The following CCDC60 variants were observed in gnomAD, a reference collection of about 807,000 sequenced individuals.
CCDC60 encodes coiled-coil domain-containing protein 60.
CCDC60 carries 54 observed loss-of-function variants against 63.5 expected under a neutral mutation model. The observed-to-expected ratio is 0.85, with a 90% CI of 0.68 to 1.07. CCDC60 has a LOEUF of 1.07. Among genes scored for constraint, CCDC60 ranks in the 50% least tolerant of loss-of-function variants. CCDC60 has a pLI of 0.00. For missense variants in CCDC60, 651 were observed against 684.3 expected, an observed-to-expected ratio of 0.95 and a Z score of 0.54; for synonymous variants, 206 against 238.8, an observed-to-expected ratio of 0.86 and a Z score of 1.27.
At chr12:119,513,138 G>A (rs1398672571) in intron 7 of CCDC60, among the ~76,000 whole-genome samples, 1 of 152,182 alleles carries the variant, frequency 6.6e-6, no homozygotes, top group African/African-American at 2.4e-5. Context: ...TATCAAAGCA[G>A]ATTCCACGTT....
chr12:119,420,031 C>A lies in CCDC60; in HGVS notation c.91-8652C>A, dbSNP rs1053240512. Among the ~76,000 whole-genome samples the A allele has an allele frequency of 1.3e-5, 2 of 151,924 alleles. No homozygotes were observed. Among genetic ancestry groups the A allele is most frequent in the African/African-American group, 4.8e-5 (2 of 41,350 alleles). On this transcript the variant is annotated intron_variant, in intron 1 of 13. Coordinates refer to ENST00000327554, the MANE Select transcript of CCDC60 (RefSeq NM_178499.5). This position sits in a 1 kb window ranked among gnomAD's most constrained non-coding sequence, Gnocchi z 4.1. ...AGCTGGGACTACAGGCACCCACCAC[C>A]ACACCTGGGTAATTTTTTGTATTTT... is the stretch of plus-strand genomic sequence containing the variant.
chr12:119,528,043 G>A (rs1952738897), intron 11 of CCDC60, among the ~76,000 whole-genome samples: 1 of 152,066 alleles, frequency 6.6e-6, no homozygotes, highest in South Asian at 2.1e-4. Flanking sequence ...TGAGGATAAA[G>A]CTGGAAAATG....
At chr12:119,524,445 A>G (rs1952624005) in intron 11 of CCDC60, 1 of 985,034 alleles carries the variant, frequency 1.0e-6, no homozygotes, top group Non-Finnish European at 1.2e-6. Context: ...TCTATACAAC[A>G]AAGTTTGCAT....
chr12:119,536,147 T>C (rs900176629), intron 13 of CCDC60, among the ~76,000 whole-genome samples: 1 of 152,216 alleles, frequency 6.6e-6, no homozygotes, highest in African/African-American at 2.4e-5. Flanking sequence ...TCCTGTTGAA[T>C]TGATCCCTTT....
chr12:119,339,020 G>A (rs1955504333), intron 1 of CCDC60, among the ~76,000 whole-genome samples: 2 of 152,008 alleles, frequency 1.3e-5, no homozygotes, highest in Non-Finnish European at 2.9e-5. Context: ...TTTTTTAACT[G>A]AGGGAATATA....
chr12:119,526,911 G>A (rs1158024529), intron 11 of CCDC60, among the ~76,000 whole-genome samples: 1 of 151,946 alleles, frequency 6.6e-6, no homozygotes, highest in Non-Finnish European at 1.5e-5. Flanking sequence ...CCATTACTGG[G>A]TATATACTAC....
At chr12:119,412,999 C>A (rs1011333853) in intron 1 of CCDC60, among the ~76,000 whole-genome samples, 28 of 152,224 alleles carry the variant, frequency 1.8e-4, no homozygotes, top group African/African-American at 5.8e-4. Context: ...TTGCAAGGTT[C>A]ACGATACAGA....
chr12:119,416,050 G>A lies in CCDC60; in HGVS notation c.91-12633G>A, dbSNP rs116968762. Among the ~76,000 whole-genome samples the A allele has an allele frequency of 3.1e-3, 471 of 152,154 alleles. 1 individual carries two copies. Among genetic ancestry groups the A allele is most frequent in the Non-Finnish European group, 4.9e-3 (331 of 67,996 alleles). ...CTGGGTTTCCTTTCCAGGAAAACAG[G>A]AATAAGGATTCCTTATAGGGTTGGC... is the stretch of plus-strand genomic sequence containing the variant. On this transcript the variant is annotated intron_variant, in intron 1 of 13. Transcript: ENST00000327554.
intron 13 of CCDC60, among the ~76,000 whole-genome samples, chr12:119,532,624 T>C (rs1203778608): frequency 6.6e-6 from 1 of 151,856 alleles, no homozygotes; most frequent in Non-Finnish European, 1.5e-5. Flanking sequence ...CCTGTGTCCA[T>C]GTGTTCTCAT....
At chr12:119,415,945 G>T (rs1956691248) in intron 1 of CCDC60, among the ~76,000 whole-genome samples, 1 of 152,060 alleles carries the variant, frequency 6.6e-6, no homozygotes, top group Admixed American at 6.6e-5. Flanking sequence ...GGGAGGGGAG[G>T]GTATCAAGGA....
intron 2 of CCDC60, among the ~76,000 whole-genome samples, chr12:119,462,872 G>A (rs913533825): frequency 3.3e-5 from 5 of 151,868 alleles, no homozygotes; most frequent in African/African-American, 9.7e-5. Flanking sequence ...CGCCCAGGCT[G>A]TAGTGCAGTG....
At chr12:119,430,667 CAAAA>C (rs57881806) in intron 2 of CCDC60, among the ~76,000 whole-genome samples, 2 of 106,040 alleles carry the variant, frequency 1.9e-5, no homozygotes, top group South Asian at 3.9e-4. Flanking sequence ...ACTCTGTCTC[CAAAA>C]AAAAAAAAAA....
chr12:119,371,847 A>C (rs945976174), intron 1 of CCDC60, among the ~76,000 whole-genome samples: 3 of 152,146 alleles, frequency 2.0e-5, no homozygotes, highest in African/African-American at 7.2e-5. Context: ...TAGAGCCTAC[A>C]TCCATTATTA....
Position 119,456,060 on chromosome 12 carries a change from A to AAGCAAGC in CCDC60, c.171-15933_171-15932insGCAAGCA, listed in dbSNP as rs1566019638. Among the ~76,000 whole-genome samples, 161 of 118,850 alleles carry AAGCAAGC rather than the reference A, an allele frequency of 1.4e-3. 4 individuals carry two copies. Among genetic ancestry groups the AAGCAAGC allele is most frequent in the East Asian group, 0.012 (44 of 3,650 alleles). The allele number at this position is 118,850 out of a possible 152,430, so 78.0% of individuals were successfully genotyped here. Reference sequence around the variant, plus strand: ...GAAAGAAAGAAAGAAAGAAAGAAAGAAAGCAAGCAAGCATGTGCAATTTCA... The same window carrying AAGCAAGC: ...GAAAGAAAGAAAGAAAGAAAGAAAGAAGCAAGCAAGCAAGCAAGCATGTGCAATTTCA... On this transcript the variant is annotated intron_variant, in intron 2 of 13. Coordinates refer to ENST00000327554, the MANE Select transcript of CCDC60 (RefSeq NM_178499.5). The surrounding 1 kb of genome is among the most constrained non-coding windows in gnomAD (Gnocchi z 4.6).
At chr12:119,471,839 T>C in intron 2 of CCDC60, among the ~76,000 whole-genome samples, 155 bp from the exon 3 acceptor site, 1 of 151,558 alleles carries the variant, frequency 6.6e-6, no homozygotes, top group Non-Finnish European at 1.5e-5. Flanking sequence ...TCTCTCACTC[T>C]CTTTCTCTAT....
At chr12:119,371,798 A>T (rs1955900273) in intron 1 of CCDC60, among the ~76,000 whole-genome samples, 2 of 152,176 alleles carry the variant, frequency 1.3e-5, no homozygotes, top group Non-Finnish European at 2.9e-5. Context: ...GAGCCTGGCC[A>T]GGAATTCCCC....
At chr12:119,403,786 T>A (rs1956437193) in intron 1 of CCDC60, among the ~76,000 whole-genome samples, 1 of 152,182 alleles carries the variant, frequency 6.6e-6, no homozygotes, top group Non-Finnish European at 1.5e-5. Flanking sequence ...TCTTTGCAAA[T>A]GCTGTCCCCT....
intron 1 of CCDC60, among the ~76,000 whole-genome samples, chr12:119,391,957 G>C (rs1001160911): frequency 2.0e-5 from 3 of 152,106 alleles, no homozygotes; most frequent in Non-Finnish European, 4.4e-5. Context: ...TGTGCAATTG[G>C]GTGTGCAATA....
chr12:119,385,769 A>G (rs1593007906), intron 1 of CCDC60, among the ~76,000 whole-genome samples: 1 of 152,156 alleles, frequency 6.6e-6, no homozygotes, highest in Non-Finnish European at 1.5e-5. Flanking sequence ...CTCCTGTCAC[A>G]CGGCCTCTCC....
Sources: allele counts gnomAD v4.1 joint callset (sites outside exome capture counted in the v4.1 genomes callset), GRCh38; gene constraint gnomAD v4.1.1; non-coding constraint Gnocchi (gnomAD v3.1); transcripts MANE v1.5; gene names NCBI Gene and HGNC (gene_info 2026-07-23, HGNC 2026-07-21).